LRPPRC: variants seen among roughly 807,000 people sequenced by gnomAD.
LRPPRC encodes leucine-rich PPR motif-containing protein, mitochondrial.
In LRPPRC, 120 loss-of-function variants were observed where a neutral mutation model predicts 180.3. The observed-to-expected ratio is 0.67, with a 90% CI of 0.57 to 0.77. LRPPRC has a LOEUF of 0.77. Among genes scored for constraint, LRPPRC ranks in the 30% least tolerant of loss-of-function variants. The probability of loss-of-function intolerance (pLI) is 0.00; values close to 1 mark genes in which losing one functional copy is unlikely to be tolerated. For missense variants in LRPPRC, 2,012 were observed against 1,657.2 expected, an observed-to-expected ratio of 1.21 and a Z score of -3.72; for synonymous variants, 723 against 600.0, an observed-to-expected ratio of 1.21 and a Z score of -3.00.
At chr2:43,954,320 A>G (rs1243702406) in intron 14 of LRPPRC, among the ~76,000 whole-genome samples, 2 of 152,262 alleles carry the variant, frequency 1.3e-5, no homozygotes, top group African/African-American at 4.8e-5. Context: ...ATTTCATAGA[A>G]GAAATCCAAA....
chr2:43,898,086 A>AC (rs1670752678), intron 34 of LRPPRC, among the ~76,000 whole-genome samples: 3 of 151,066 alleles, frequency 2.0e-5, no homozygotes, highest in African/African-American at 7.3e-5. Flanking sequence ...AAAAAAAAAA[A>AC]AACAAAGGAA....
At chr2:43,941,837 T>TAAAAAAAAAAAAA (rs35278650) in intron 23 of LRPPRC, among the ~76,000 whole-genome samples, 2 of 92,856 alleles carry the variant, frequency 2.2e-5, no homozygotes, top group South Asian at 3.6e-4. Flanking sequence ...CAAAGTAGTC[T>TAAAAAAAAAAAAA]AAAAAAAAAA....
intron 27 of LRPPRC, among the ~76,000 whole-genome samples, chr2:43,922,105 A>G (rs550164494): frequency 8.5e-5 from 13 of 152,236 alleles, no homozygotes; most frequent in Non-Finnish European, 8.8e-5. Flanking sequence ...CTAGAAGCTA[A>G]TTTTGCAACA....
At chr2:43,975,675 C>T (rs985558575) in intron 6 of LRPPRC, among the ~76,000 whole-genome samples, 11 of 151,726 alleles carry the variant, frequency 7.2e-5, no homozygotes, top group Admixed American at 7.2e-4. Flanking sequence ...CTCTGCCTCC[C>T]GGGTTCAAGC....
At position 43,894,561 on chromosome 2, in the gene LRPPRC, G is replaced by A. The variant is rs1208167479; in HGVS notation, c.3969C>T (p.Ser1323=). ...ELNEKEEAYN[S]LMKSYVSEKD... ...TTATATTACCATAGCTTTTCATGAGGGAATTGTATGCTTCTTCCTTTTCAT... is the reference window on the plus strand; with the variant it reads ...TTATATTACCATAGCTTTTCATGAGAGAATTGTATGCTTCTTCCTTTTCAT... The change falls in exon 36 of 38, where the codon TCC becomes TCT. Residue 1323 remains serine (S), a synonymous_variant. Transcript: ENST00000260665. The A allele has an allele frequency of 1.6e-5, 25 of 1,519,848 alleles. No homozygotes were observed. In the South Asian group the frequency reaches 2.7e-4, roughly 16 times the overall value. The allele number at this position is 1,519,848 out of a possible 1,614,324, so 94.1% of individuals were successfully genotyped here. A position where few individuals can be genotyped will look rare whatever the true frequency, so the allele number is the denominator to read the frequency against.
chr2:43,995,659 G>A (rs1231532930), intron 1 of LRPPRC, 140 bp downstream of exon 1: 4 of 781,628 alleles, frequency 5.1e-6, no homozygotes, highest in African/African-American at 1.8e-5. Context: ...TAGGGAGCGT[G>A]GTGCGGAGCC....
chr2:43,937,621 A>G (rs1207967401), intron 23 of LRPPRC, among the ~76,000 whole-genome samples: 1 of 152,202 alleles, frequency 6.6e-6, no homozygotes, highest in Non-Finnish European at 1.5e-5. Flanking sequence ...TATGCTACTC[A>G]GCTGTAGCAA....
chr2:43,972,660 G>C (rs1414177936), intron 11 of LRPPRC, among the ~76,000 whole-genome samples: 2 of 152,184 alleles, frequency 1.3e-5, no homozygotes, highest in African/African-American at 2.4e-5. Flanking sequence ...AGGATTTAGA[G>C]ACTTTTATAG....
intron 27 of LRPPRC, among the ~76,000 whole-genome samples, chr2:43,923,348 A>G (rs1471106426): frequency 6.6e-6 from 1 of 151,944 alleles, no homozygotes; most frequent in Non-Finnish European, 1.5e-5. Context: ...AATTATTAGC[A>G]AGGTGTGGTG....
rs551465491 is a variant in LRPPRC at position 43,886,866 on chromosome 2, C to G, written c.*1734G>C. ...GACAGGAGTGAGGCTCTTGGCCAGG[C>G]GTGGTGGCTCACACCTGTAATCCCA... On this transcript the variant is annotated 3_prime_UTR_variant, in exon 38 of 38. Coordinates refer to ENST00000260665, the MANE Select transcript of LRPPRC (RefSeq NM_133259.4). 1 of 152,272 alleles carries G rather than the reference C, an allele frequency of 6.6e-6. No individual in the cohort carries two copies. The highest frequency in any genetic ancestry group is 1.9e-4 in the East Asian group (1 of 5,182). The allele number at this position is 152,272 out of a possible 1,614,324, so 9.4% of individuals were successfully genotyped here. A position where few individuals can be genotyped will look rare whatever the true frequency, so the allele number is the denominator to read the frequency against.
At chr2:43,985,294 T>C (rs2103756374) in intron 1 of LRPPRC, among the ~76,000 whole-genome samples, 1 of 152,344 alleles carries the variant, frequency 6.6e-6, no homozygotes, top group South Asian at 2.1e-4. Flanking sequence ...AGTAACATTT[T>C]GCTGTAGTGT....
At chr2:43,934,606 C>G in intron 24 of LRPPRC, 148 bp downstream of exon 24, 1 of 648,036 alleles carries the variant, frequency 1.5e-6, no homozygotes, top group South Asian at 2.2e-5. Context: ...TGGAAATCTA[C>G]CTGATATTTT....
At chr2:43,937,085 C>G (rs375200777) in intron 23 of LRPPRC, among the ~76,000 whole-genome samples, 2 of 152,036 alleles carry the variant, frequency 1.3e-5, no homozygotes, top group East Asian at 3.8e-4. Flanking sequence ...GTATTTCCCC[C>G]TACATTAGGT....
intron 29 of LRPPRC, among the ~76,000 whole-genome samples, chr2:43,916,978 T>G (rs1187389216): frequency 7.0e-6 from 1 of 143,676 alleles, no homozygotes; most frequent in Non-Finnish European, 1.5e-5. Flanking sequence ...AAGAATAGTA[T>G]AATGAACCTC....
chr2:43,995,315 C>T (rs1163271580), intron 1 of LRPPRC, among the ~76,000 whole-genome samples: 11 of 152,222 alleles, frequency 7.2e-5, no homozygotes, highest in Admixed American at 7.2e-4. Context: ...AGCTTTAAGT[C>T]ATCCGTGGCT....
At chr2:43,929,969 C>T (rs1416172125) in intron 25 of LRPPRC, among the ~76,000 whole-genome samples, 1 of 151,828 alleles carries the variant, frequency 6.6e-6, no homozygotes, top group Non-Finnish European at 1.5e-5. Flanking sequence ...AACAAACAAA[C>T]AAACAAACAA....
At chr2:43,971,858 C>A (rs1322037803) in intron 11 of LRPPRC, among the ~76,000 whole-genome samples, 3 of 152,176 alleles carry the variant, frequency 2.0e-5, no homozygotes, top group Non-Finnish European at 4.4e-5. Context: ...TCAGGACCTA[C>A]TGCAAAGAAG....
chr2:43,979,954 GA>G lies in LRPPRC; in HGVS notation c.347-7del. 1.2e-6 allele frequency: 2 copies of G among 1,613,260 alleles called. No individual in the cohort carries two copies. The highest frequency in any genetic ancestry group is 8.5e-7 in the Non-Finnish European group (1 of 1,179,466). ...ATGACTACCACCTAGGCCACCTGTGGAAAAAAGGTTAATGGATAACATTTAA... is the reference window on the plus strand; with the variant it reads ...ATGACTACCACCTAGGCCACCTGTGGAAAAAGGTTAATGGATAACATTTAA... On this transcript the variant is annotated splice_polypyrimidine_tract_variant and splice_region_variant and intron_variant, in intron 2 of 37. Transcript: ENST00000260665.
At chr2:43,936,195 G>C (rs568472935) in intron 23 of LRPPRC, among the ~76,000 whole-genome samples, 7 of 152,134 alleles carry the variant, frequency 4.6e-5, no homozygotes, top group African/African-American at 1.7e-4. Context: ...TCTAGAGACT[G>C]GCTGATTTGA....
Sources: gnomAD v4.1 joint callset for allele counts (sites outside exome capture counted in the v4.1 genomes callset) on GRCh38, gnomAD v4.1.1 for gene constraint, MANE v1.5 for transcripts, NCBI Gene and HGNC (gene_info 2026-07-23, HGNC 2026-07-21) for gene names.